NUP210L: variants seen among roughly 807,000 people sequenced by gnomAD.
NUP210L encodes nuclear pore membrane glycoprotein 210-like.
Under a neutral mutation model 208.5 loss-of-function variants are expected in NUP210L, and 74 were observed. The ratio of observed to expected loss-of-function variants is 0.35; its 90% CI spans 0.29 to 0.43. The LOEUF (loss-of-function observed/expected upper bound fraction) is 0.43. Ranked by LOEUF, NUP210L falls within the 20% of genes least tolerant of loss-of-function variation. The probability of loss-of-function intolerance (pLI) is 1.00; values close to 1 mark genes in which losing one functional copy is unlikely to be tolerated. For synonymous variants in NUP210L, 780 were observed against 816.9 expected, an observed-to-expected ratio of 0.95 and a Z score of 0.77; for missense variants, 1,843 against 2,289.4, an observed-to-expected ratio of 0.81 and a Z score of 3.98.
rs753164801 is a variant in NUP210L at position 154,056,891 on chromosome 1, A to G, written c.3164T>C (p.Ile1055Thr). ...AATAGCCACAAGTGTGGTTTGCCCAATAGTGGTAGCTCGAAGAATATAATT... is the reference window on the plus strand; with the variant it reads ...AATAGCCACAAGTGTGGTTTGCCCAGTAGTGGTAGCTCGAAGAATATAATT... The change falls in exon 23 of 40, where the codon ATT (isoleucine) becomes ACT (threonine). Residue 1055 changes from isoleucine to threonine, a missense_variant. Coordinates refer to ENST00000368559, the Ensembl canonical transcript of NUP210L. 1.6e-5 allele frequency: 26 copies of G among 1,609,040 alleles called. No individual in the cohort carries two copies. Among genetic ancestry groups the G allele is most frequent in the Non-Finnish European group, 1.9e-5 (22 of 1,178,210 alleles).
intron 10 of NUP210L, among the ~76,000 whole-genome samples, chr1:154,124,728 G>C (rs1343089472): frequency 6.6e-6 from 1 of 152,172 alleles, no homozygotes; most frequent in Admixed American, 6.6e-5. Flanking sequence ...AAGGCAGGAG[G>C]AACACTTGAG....
At chr1:154,112,715 G>A (rs1657102147) in intron 12 of NUP210L, among the ~76,000 whole-genome samples, 1 of 152,018 alleles carries the variant, frequency 6.6e-6, no homozygotes, top group Non-Finnish European at 1.5e-5. Flanking sequence ...AATTAGCTGA[G>A]CATGGTGGTA....
chr1:154,036,360 G>A (rs372120556), intron 27 of NUP210L, among the ~76,000 whole-genome samples: 14 of 81,118 alleles, frequency 1.7e-4, no homozygotes, highest in South Asian at 4.0e-4. Flanking sequence ...GTGTGTGTGT[G>A]TATAACTTTT....
chr1:154,022,186 T>G (rs752032184), exon 32 of NUP210L: 2 of 1,614,146 alleles, frequency 1.2e-6, no homozygotes, highest in South Asian at 2.2e-5. Flanking sequence ...GTAAGCTTGG[T>G]GTCTGGCTCA....
intron 14 of NUP210L, 88 bp from the exon 15 acceptor site, chr1:154,095,244 C>T: frequency 1.0e-6 from 1 of 965,554 alleles, no homozygotes; most frequent in Non-Finnish European, 1.6e-6. Context: ...GAATATGCTG[C>T]AAATGACGTT....
chr1:154,122,942 T>A (rs1657689156), intron 10 of NUP210L, among the ~76,000 whole-genome samples: 1 of 151,110 alleles, frequency 6.6e-6, no homozygotes, highest in Non-Finnish European at 1.5e-5. Flanking sequence ...TCCCAGCTAC[T>A]CAGGAGGCTG....
intron 16 of NUP210L, chr1:154,078,978 T>C (rs1655177699): frequency 1.3e-5 from 2 of 152,188 alleles, no homozygotes; most frequent in South Asian, 4.1e-4. Flanking sequence ...GAGTACTTCC[T>C]TTCTTTCCTT....
At chr1:154,044,036 AT>A (rs1653038115) in intron 27 of NUP210L, among the ~76,000 whole-genome samples, 2 of 152,208 alleles carry the variant, frequency 1.3e-5, no homozygotes, top group Admixed American at 1.3e-4. Flanking sequence ...CATAAAAAAA[AT>A]TAAAGAAAGG....
chr1:154,043,785 C>G (rs1653024100), intron 27 of NUP210L, among the ~76,000 whole-genome samples: 1 of 151,604 alleles, frequency 6.6e-6, no homozygotes, highest in Admixed American at 6.6e-5. Flanking sequence ...TGCCACCACA[C>G]CCAGCTAAAT....
rs775879767 is a variant in NUP210L at position 154,126,303 on chromosome 1, ACT to A, written c.1326+18_1326+19del. The A allele has an allele frequency of 1.3e-4, 206 of 1,604,976 alleles. No individual in the cohort carries two copies. The highest frequency in any genetic ancestry group is 3.3e-4 in the Middle Eastern group (2 of 6,016). On this transcript the variant is annotated intron_variant, in intron 10 of 39. Coordinates refer to ENST00000368559, the Ensembl canonical transcript of NUP210L. The stretch of plus-strand genomic sequence containing the variant: ...TCTTCAGTGTTCTTAGAATACAAAC[ACT>A]GTCTGTTTAATTCCTACCTGGTAAA...
At chr1:154,027,376 A>G in intron 29 of NUP210L, 130 bp downstream of exon 29, 1 of 632,146 alleles carries the variant, frequency 1.6e-6, no homozygotes, top group South Asian at 2.0e-5. Context: ...CATTATGGGA[A>G]TTTCACCTCA....
intron 30 of NUP210L, among the ~76,000 whole-genome samples, chr1:154,024,930 T>TTTG (rs1651778420): frequency 7.2e-6 from 1 of 138,310 alleles, no homozygotes; most frequent in Non-Finnish European, 1.6e-5. Context: ...CTGTTTTTTT[T>TTTG]TTTTTTTTTT....
At chr1:154,144,327 A>T (rs955131524) in intron 2 of NUP210L, among the ~76,000 whole-genome samples, 1 of 152,226 alleles carries the variant, frequency 6.6e-6, no homozygotes, top group Non-Finnish European at 1.5e-5. Flanking sequence ...TAGATTTTTT[A>T]AAATGTATTT....
At chr1:154,011,893 G>C (rs997050197) in intron 34 of NUP210L, among the ~76,000 whole-genome samples, 1 of 151,494 alleles carries the variant, frequency 6.6e-6, no homozygotes, top group Non-Finnish European at 1.5e-5. Context: ...CACCATGTTG[G>C]TCAGGCTGGT....
At chr1:154,105,905 C>A (rs977486898) in intron 12 of NUP210L, among the ~76,000 whole-genome samples, 1 of 152,080 alleles carries the variant, frequency 6.6e-6, no homozygotes, top group Non-Finnish European at 1.5e-5. Context: ...GTATTTGCCA[C>A]GGGTCTGGGG....
intron 27 of NUP210L, among the ~76,000 whole-genome samples, chr1:154,032,993 GAAAGAAAGAAA>G (rs1424580035): frequency 1.0e-4 from 13 of 130,054 alleles, no homozygotes; most frequent in Non-Finnish European, 1.5e-4. Flanking sequence ...GAAAAGAAAA[GAAAGAAAGAAA>G]AAAAGAAAGA....
chr1:154,019,127 C>T (rs1651418668), intron 32 of NUP210L, 58 bp from the exon 33 acceptor site: 24 of 1,551,990 alleles, frequency 1.5e-5, no homozygotes, highest in Non-Finnish European at 2.1e-5. Context: ...TCACTCTGGA[C>T]TTATTCATAC....
At chr1:154,036,669 C>T (rs902005482) in intron 27 of NUP210L, among the ~76,000 whole-genome samples, 1 of 151,242 alleles carries the variant, frequency 6.6e-6, no homozygotes, top group Admixed American at 6.6e-5. Flanking sequence ...CCAGCCAGAA[C>T]ATACATATTT....
At chr1:154,138,973 G>A (rs1658694835) in intron 5 of NUP210L, among the ~76,000 whole-genome samples, 2 of 152,100 alleles carry the variant, frequency 1.3e-5, no homozygotes, top group African/African-American at 4.8e-5. Context: ...ATTTTTACTT[G>A]ACTAGAAATT....
Sources: gnomAD v4.1 joint callset for allele counts (sites outside exome capture counted in the v4.1 genomes callset) on GRCh38, gnomAD v4.1.1 for gene constraint, MANE v1.5 for transcripts, NCBI Gene and HGNC (gene_info 2026-07-23, HGNC 2026-07-21) for gene names.